ADAMTS20: variants seen among roughly 807,000 people sequenced by gnomAD.
ADAMTS20 encodes the protein A disintegrin and metalloproteinase with thrombospondin motifs 20.
A neutral mutation model predicts 260.1 loss-of-function variants in ADAMTS20; 225 were observed. That is an observed-to-expected ratio of 0.87 (90% CI 0.78 to 0.97). The LOEUF (loss-of-function observed/expected upper bound fraction) is 0.97. Among genes scored for constraint, ADAMTS20 ranks in the 50% least tolerant of loss-of-function variants. ADAMTS20 has a pLI of 0.00. For synonymous variants in ADAMTS20, 802 were observed against 769.5 expected, an observed-to-expected ratio of 1.04 and a Z score of -0.70; for missense variants, 2,400 against 2,337.7, an observed-to-expected ratio of 1.03 and a Z score of -0.55.
intron 9 of ADAMTS20, among the ~76,000 whole-genome samples, chr12:43,465,310 G>A (rs1942134917): frequency 6.6e-6 from 1 of 151,894 alleles, no homozygotes; most frequent in Non-Finnish European, 1.5e-5. Flanking sequence ...TAAGATGCAT[G>A]GCCATGGAAA....
intron 36 of ADAMTS20, among the ~76,000 whole-genome samples, chr12:43,374,576 T>G (rs1592032984): frequency 1.3e-5 from 2 of 152,198 alleles, no homozygotes; most frequent in East Asian, 3.9e-4. Context: ...CTAATGCCAG[T>G]ACTAACTGTA....
Position 43,354,024 on chromosome 12 carries a change from C to A in ADAMTS20, c.*185G>T. ...AGATATAAAATAAATTAAGATAGCT[C>A]TTAAATTTCTTTTATAGACCTTATT... On this transcript the variant is annotated 3_prime_UTR_variant, in exon 39 of 39. Coordinates refer to ENST00000389420, the MANE Select transcript of ADAMTS20 (RefSeq NM_025003.5). 2.4e-6 allele frequency: 1 copy of A among 408,614 alleles called. No homozygotes were observed. Among genetic ancestry groups the A allele is most frequent in the South Asian group, 6.2e-5 (1 of 16,172 alleles). The allele number at this position is 408,614 out of a possible 1,614,324, so 25.3% of individuals were successfully genotyped here.
chr12:43,431,841 T>C (rs1941449643), intron 21 of ADAMTS20, among the ~76,000 whole-genome samples: 1 of 152,132 alleles, frequency 6.6e-6, no homozygotes. Context: ...CTGTAAATAG[T>C]ATAAAGACAA....
chr12:43,359,883 A>G (rs1453052776), intron 37 of ADAMTS20, among the ~76,000 whole-genome samples: 1 of 152,204 alleles, frequency 6.6e-6, no homozygotes, highest in Non-Finnish European at 1.5e-5. Context: ...AAACTATAAA[A>G]AGTTTTTGAA....
intron 32 of ADAMTS20, 110 bp downstream of exon 32, chr12:43,377,255 T>A (rs1940249539): frequency 7.1e-6 from 6 of 842,492 alleles, no homozygotes; most frequent in Non-Finnish European, 1.1e-5. Flanking sequence ...TAGAAAATAG[T>A]GGTCTGAGGC....
chr12:43,390,315 T>G (rs528987883), intron 29 of ADAMTS20, among the ~76,000 whole-genome samples: 1 of 152,338 alleles, frequency 6.6e-6, no homozygotes, highest in Admixed American at 6.5e-5. Context: ...AAATTGCTGA[T>G]TCAAACTAAT....
intron 18 of ADAMTS20, among the ~76,000 whole-genome samples, chr12:43,437,526 C>T (rs1305400908): frequency 2.0e-5 from 3 of 152,016 alleles, no homozygotes; most frequent in African/African-American, 7.2e-5. Context: ...ATGTCATGTA[C>T]AAGCATGACA....
At chr12:43,385,689 C>T (rs1940457775) in intron 29 of ADAMTS20, among the ~76,000 whole-genome samples, 1 of 152,160 alleles carries the variant, frequency 6.6e-6, no homozygotes, top group Admixed American at 6.5e-5. Flanking sequence ...TTCCCAACAC[C>T]ATTTATTAAA....
chr12:43,409,376 G>C (rs1420506296), intron 28 of ADAMTS20, among the ~76,000 whole-genome samples: 1 of 151,678 alleles, frequency 6.6e-6, no homozygotes, highest in Non-Finnish European at 1.5e-5. Flanking sequence ...GCCGAGACGG[G>C]CGGATCACGA....
Position 43,376,223 on chromosome 12 carries a change from G to A in ADAMTS20, c.5220+13C>T. 1 of 1,535,882 alleles carries A rather than the reference G, an allele frequency of 6.5e-7. No homozygotes were observed. Among genetic ancestry groups the A allele is most frequent in the Non-Finnish European group, 8.8e-7 (1 of 1,137,908 alleles). ...TCAATGTTAAAATAAAAAAGGAACT[G>A]TTTTCATAATACCTTTATTATTCTT... On this transcript the variant is annotated intron_variant, in intron 34 of 38. Coordinates refer to ENST00000389420, the MANE Select transcript of ADAMTS20 (RefSeq NM_025003.5).
At chr12:43,358,707 C>T (rs1295961151) in intron 37 of ADAMTS20, among the ~76,000 whole-genome samples, 2 of 150,672 alleles carry the variant, frequency 1.3e-5, no homozygotes, top group Non-Finnish European at 3.0e-5. Context: ...CATGGTGGCG[C>T]GCGCCTGTAG....
chr12:43,406,124 G>T (rs1457619360), intron 28 of ADAMTS20, among the ~76,000 whole-genome samples: 1 of 152,104 alleles, frequency 6.6e-6, no homozygotes, highest in African/African-American at 2.4e-5. Context: ...GATGTATCAT[G>T]CAATACATAA....
At chr12:43,535,259 A>G (rs12302367) in intron 2 of ADAMTS20, among the ~76,000 whole-genome samples, 2,268 of 152,276 alleles carry the variant, frequency 0.015, 52 homozygotes, top group African/African-American at 0.051. Context: ...ATCTAGGCAC[A>G]TGTGGTAAGC....
intron 37 of ADAMTS20, among the ~76,000 whole-genome samples, chr12:43,356,937 A>C (rs1025571328): frequency 1.3e-5 from 2 of 152,168 alleles, no homozygotes; most frequent in Non-Finnish European, 2.9e-5. Flanking sequence ...TTGTGGTAAG[A>C]ATATTACTTC....
intron 3 of ADAMTS20, among the ~76,000 whole-genome samples, chr12:43,531,644 A>G (rs1229163889): frequency 6.6e-6 from 1 of 152,086 alleles, no homozygotes; most frequent in Non-Finnish European, 1.5e-5. Flanking sequence ...TGCAGGCGGG[A>G]AGGAAAGATG....
Position 43,431,435 on chromosome 12 carries a change from T to C in ADAMTS20, c.3158A>G (p.Asp1053Gly). 1.2e-6 allele frequency: 2 copies of C among 1,613,972 alleles called. No homozygotes were observed. Among genetic ancestry groups the C allele is most frequent in the Non-Finnish European group, 1.7e-6 (2 of 1,179,866 alleles). The change falls in exon 22 of 39, where the codon GAT becomes GGT. Residue 1053 changes from aspartate (D) to glycine (G), a missense_variant. By Grantham distance (94) the Asp-to-Gly change is moderately conservative. Coordinates refer to ENST00000389420, the MANE Select transcript of ADAMTS20 (RefSeq NM_025003.5). ...QRQVWCQLNVDHLSDGFCNSS... is the reference protein window; with the variant it reads ...QRQVWCQLNVGHLSDGFCNSS... ...ATTACAGAAGCCATCACTCAAGTGA[T>C]CTACATTCAGCTGACACCATACCTG...
intron 2 of ADAMTS20, 90 bp downstream of exon 2, chr12:43,550,819 G>A: frequency 7.0e-7 from 1 of 1,437,206 alleles, no homozygotes; most frequent in Non-Finnish European, 9.2e-7. Context: ...AGGGTCATCA[G>A]CCACCAACTC....
chr12:43,430,344 C>T lies in ADAMTS20; in HGVS notation c.3381+8G>A, dbSNP rs1240394711. On this transcript the variant is annotated splice_region_variant and intron_variant, in intron 23 of 38. Coordinates refer to ENST00000389420, the MANE Select transcript of ADAMTS20 (RefSeq NM_025003.5). The stretch of plus-strand genomic sequence containing the variant: ...ATCTTTTTGTTTGTAAACCATGATT[C>T]TTTTTACCTGTCTGTCACTGGGGCG... 1.9e-6 allele frequency: 3 copies of T among 1,610,044 alleles called. No homozygotes were observed. The highest frequency in any genetic ancestry group is 2.7e-5 in the African/African-American group (2 of 74,864).
At chr12:43,512,207 AATC>A (rs1350300373) in intron 3 of ADAMTS20, among the ~76,000 whole-genome samples, 5 of 150,066 alleles carry the variant, frequency 3.3e-5, no homozygotes, top group East Asian at 1.9e-4. Flanking sequence ...TGATAATAAT[AATC>A]ATAATTTTAT....
Sources: gnomAD v4.1 joint callset for allele counts (sites outside exome capture counted in the v4.1 genomes callset) on GRCh38, gnomAD v4.1.1 for gene constraint, MANE v1.5 for transcripts, NCBI Gene and HGNC (gene_info 2026-07-23, HGNC 2026-07-21) for gene names.